ZBTB7C: variants seen among roughly 807,000 people sequenced by gnomAD.
ZBTB7C encodes zinc finger and BTB domain containing 7C.
A neutral mutation model predicts 25.7 loss-of-function variants in ZBTB7C; 8 were observed. The observed-to-expected ratio is 0.31, with a 90% CI of 0.18 to 0.56. The LOEUF (loss-of-function observed/expected upper bound fraction) is 0.56. ZBTB7C is among the 20% of genes least tolerant of loss of function. ZBTB7C has a pLI of 0.91. For missense variants in ZBTB7C, 824 were observed against 855.2 expected, an observed-to-expected ratio of 0.96 and a Z score of 0.46; for synonymous variants, 394 against 369.0, an observed-to-expected ratio of 1.07 and a Z score of -0.78.
At chr18:48,079,262 G>A (rs1421901316) in intron 3 of ZBTB7C, among the ~76,000 whole-genome samples, 1 of 152,220 alleles carries the variant, frequency 6.6e-6, no homozygotes, top group South Asian at 2.1e-4. Flanking sequence ...TCAACCACAG[G>A]TAAGTCATGA....
intron 2 of ZBTB7C, among the ~76,000 whole-genome samples, chr18:48,236,846 G>C (rs1025066212): frequency 6.6e-6 from 1 of 152,210 alleles, no homozygotes; most frequent in Non-Finnish European, 1.5e-5. Context: ...GAAAAACAAA[G>C]TCCATGCCAG....
At chr18:48,073,662 C>T (rs1269255453) in intron 3 of ZBTB7C, among the ~76,000 whole-genome samples, 1 of 152,184 alleles carries the variant, frequency 6.6e-6, no homozygotes, top group Non-Finnish European at 1.5e-5. Flanking sequence ...CTCCCTCTCC[C>T]CCCACCCAAG....
chr18:48,378,327 G>C (rs1468731249), intron 1 of ZBTB7C, among the ~76,000 whole-genome samples: 5 of 152,094 alleles, frequency 3.3e-5, no homozygotes, highest in Non-Finnish European at 5.9e-5. Flanking sequence ...AAAACAGGGG[G>C]ATTAAAGAAC....
intron 3 of ZBTB7C, among the ~76,000 whole-genome samples, chr18:48,116,749 C>G (rs759918518): frequency 6.6e-6 from 1 of 152,130 alleles, no homozygotes; most frequent in Non-Finnish European, 1.5e-5. Flanking sequence ...TTGAAATCCT[C>G]CAAGGCCCAG....
chr18:48,404,564 C>T (rs541110515), intron 1 of ZBTB7C, among the ~76,000 whole-genome samples: 8 of 152,246 alleles, frequency 5.3e-5, no homozygotes, highest in Admixed American at 6.5e-5. Flanking sequence ...CTATAGAGGA[C>T]GACTTCATCA....
intron 2 of ZBTB7C, among the ~76,000 whole-genome samples, chr18:48,229,726 T>C (rs2043200348): frequency 1.3e-5 from 2 of 152,146 alleles, no homozygotes; most frequent in Admixed American, 1.3e-4. Context: ...TTGGCGGGAA[T>C]TGTCGAAGAG....
intron 3 of ZBTB7C, 102 bp from the exon 4 acceptor site, chr18:48,041,225 T>C: frequency 6.9e-7 from 1 of 1,447,020 alleles, no homozygotes; most frequent in Non-Finnish European, 9.1e-7. Context: ...AAGGGCTCCC[T>C]GTCCACTGCA....
rs374841629 is a variant in ZBTB7C at position 48,136,921 on chromosome 18, C to A, written c.-17+49013G>T. 9.4e-6 allele frequency: 9 copies of A among 959,686 alleles called. No individual in the cohort carries two copies. In the East Asian group the frequency reaches 9.2e-4, roughly 98 times the overall value. The allele number at this position is 959,686 out of a possible 1,614,324, so 59.4% of individuals were successfully genotyped here. On this transcript the variant is annotated intron_variant, in intron 3 of 4. Transcript: ENST00000590800. ...CCGGCCGCCCGGAAGGGCTTCCTCCCCCACCCCCTCCCCACGGCCCGGCCG... is the reference window on the plus strand; with the variant it reads ...CCGGCCGCCCGGAAGGGCTTCCTCCACCACCCCCTCCCCACGGCCCGGCCG...
intron 1 of ZBTB7C, among the ~76,000 whole-genome samples, chr18:48,363,873 T>A (rs2047167209): frequency 6.6e-6 from 1 of 150,768 alleles, no homozygotes; most frequent in Non-Finnish European, 1.5e-5. Context: ...ACAAAGCACA[T>A]CTGTCTTTTT....
intron 2 of ZBTB7C, among the ~76,000 whole-genome samples, chr18:48,231,702 C>A (rs946839273): frequency 6.6e-6 from 1 of 152,200 alleles, no homozygotes; most frequent in Non-Finnish European, 1.5e-5. Context: ...CTGAAGCATG[C>A]CCCTTGCTCA....
intron 1 of ZBTB7C, among the ~76,000 whole-genome samples, chr18:48,353,692 G>C (rs2046913765): frequency 6.6e-6 from 1 of 152,196 alleles, no homozygotes; most frequent in South Asian, 2.1e-4. Context: ...AATCCTTTGT[G>C]ACAGCATGAA....
chr18:48,107,045 G>T (rs574257497), intron 3 of ZBTB7C, among the ~76,000 whole-genome samples: 1 of 151,712 alleles, frequency 6.6e-6, no homozygotes, highest in Admixed American at 6.6e-5. Context: ...ATCAGGATGC[G>T]GAGTTTACCA....
At chr18:48,333,074 T>C (rs973964155) in intron 2 of ZBTB7C, among the ~76,000 whole-genome samples, 1 of 152,126 alleles carries the variant, frequency 6.6e-6, no homozygotes, top group Admixed American at 6.5e-5. Context: ...TTTAAGCTAA[T>C]AAGAACCCCC....
Position 48,201,553 on chromosome 18 carries a change from G to A in ZBTB7C, c.-78-15558C>T, listed in dbSNP as rs918958132. ...ATTTTCCACACATCTTCTTCCCCCC[G>A]TTTCTGGAGTCTGCCCCTCCCTCCA... On this transcript the variant is annotated intron_variant, in intron 2 of 4. Transcript: ENST00000590800. Among the ~76,000 whole-genome samples, 8 of 151,114 alleles carry A rather than the reference G, an allele frequency of 5.3e-5. No individual in the cohort carries two copies. In the East Asian group the frequency reaches 5.9e-4, roughly 11 times the overall value.
At chr18:48,357,507 G>C (rs574563870) in intron 1 of ZBTB7C, among the ~76,000 whole-genome samples, 1 of 152,174 alleles carries the variant, frequency 6.6e-6, no homozygotes. Context: ...GCTCAGCGTC[G>C]TTTAGGTGCT....
chr18:48,180,252 A>C, intron 3 of ZBTB7C: 1 of 394,488 alleles, frequency 2.5e-6, no homozygotes, highest in South Asian at 1.8e-5. Flanking sequence ...CCTTCCATCC[A>C]TTTCCTTGAG....
intron 2 of ZBTB7C, among the ~76,000 whole-genome samples, chr18:48,284,912 A>G (rs2044995412): frequency 6.6e-6 from 1 of 152,194 alleles, no homozygotes; most frequent in Non-Finnish European, 1.5e-5. Context: ...CAGCATGGAT[A>G]AGACTGCCTT....
At chr18:48,158,702 G>A (rs1018813948) in intron 3 of ZBTB7C, among the ~76,000 whole-genome samples, 1 of 152,190 alleles carries the variant, frequency 6.6e-6, no homozygotes, top group Admixed American at 6.5e-5. Context: ...GAAGTAGAGT[G>A]TTCTATGTTC....
At chr18:48,170,629 G>T (rs1020215482) in intron 3 of ZBTB7C, among the ~76,000 whole-genome samples, 5 of 152,210 alleles carry the variant, frequency 3.3e-5, no homozygotes, top group African/African-American at 4.8e-5. Flanking sequence ...CAGACCTTTA[G>T]AGGAGGCCAG....
Sources: allele counts gnomAD v4.1 joint callset (sites outside exome capture counted in the v4.1 genomes callset), GRCh38; gene constraint gnomAD v4.1.1; transcripts MANE v1.5; gene names NCBI Gene and HGNC (gene_info 2026-07-23, HGNC 2026-07-21).